The following STAG1 variants were observed in gnomAD, a reference collection of about 807,000 sequenced individuals.
STAG1 encodes cohesin subunit SA-1.
In STAG1, 26 loss-of-function variants were observed where a neutral mutation model predicts 170.9. That is an observed-to-expected ratio of 0.15 (90% CI 0.11 to 0.21). The LOEUF (loss-of-function observed/expected upper bound fraction) is 0.21, where lower values mean the gene tolerates loss of function less well. Ranked by LOEUF, STAG1 falls within the 10% of genes least tolerant of loss-of-function variation. The pLI, the probability that STAG1 is intolerant of heterozygous loss-of-function variation, is 1.00. For missense variants in STAG1, 964 were observed against 1,509.5 expected (o/e 0.64, Z 5.99); for synonymous variants, 514 against 497.7 (o/e 1.03, Z -0.44).
At chr3:136,459,198 C>G (rs1238487951) in intron 13 of STAG1, among the ~76,000 whole-genome samples, 2 of 140,576 alleles carry the variant, frequency 1.4e-5, no homozygotes, top group Admixed American at 1.6e-4. Context: ...AGCCTGGCGA[C>G]AGAGCGAGAC....
intron 9 of STAG1, 126 bp from the exon 10 acceptor site, chr3:136,477,538 C>T: frequency 1.3e-6 from 1 of 742,502 alleles, no homozygotes; most frequent in Non-Finnish European, 2.0e-6. Context: ...GAATGGCCTC[C>T]AACTTAAGTA....
intron 4 of STAG1, among the ~76,000 whole-genome samples, chr3:136,591,913 G>A (rs566833809): frequency 3.7e-4 from 57 of 152,182 alleles, no homozygotes; most frequent in African/African-American, 1.2e-3. Context: ...ATCTACCTTT[G>A]CTGAATTCAA....
chr3:136,702,073 GAAA>G (rs1392479273), intron 1 of STAG1, among the ~76,000 whole-genome samples: 32 of 75,766 alleles, frequency 4.2e-4, no homozygotes, highest in Non-Finnish European at 3.4e-4. Context: ...CCACCATGCC[GAAA>G]GAGAGAGAGA....
chr3:136,724,164 GGA>G (rs1300356396), intron 1 of STAG1, among the ~76,000 whole-genome samples: 9 of 152,234 alleles, frequency 5.9e-5, no homozygotes, highest in East Asian at 3.9e-4. Flanking sequence ...ATAGAGGAGG[GGA>G]GAAAGGCGGG....
intron 1 of STAG1, among the ~76,000 whole-genome samples, chr3:136,660,235 TA>T (rs1259091706): frequency 1.3e-5 from 2 of 152,198 alleles, no homozygotes; most frequent in East Asian, 1.9e-4. Flanking sequence ...GATGTACAGC[TA>T]CCCAGGGTTT....
rs766087794 is a variant in STAG1, at chr3:136,450,527, T to C, written c.1428+1506A>G. Among the ~76,000 whole-genome samples, 4 of 152,312 alleles carry C rather than the reference T, an allele frequency of 2.6e-5. No individual in the cohort carries two copies. In the East Asian group the frequency reaches 7.7e-4, roughly 29 times the overall value. Reference sequence around the variant, plus strand: ...AACACCCTTCACTCCACTGACTGAGTTCTTCTCCAATTTTAATTTTCATAT... The same window carrying C: ...AACACCCTTCACTCCACTGACTGAGCTCTTCTCCAATTTTAATTTTCATAT... On this transcript the variant is annotated intron_variant, in intron 14 of 33. Coordinates refer to ENST00000383202, the MANE Select transcript of STAG1 (RefSeq NM_005862.3).
At chr3:136,551,372 C>T (rs937468054) in intron 5 of STAG1, among the ~76,000 whole-genome samples, 1 of 150,414 alleles carries the variant, frequency 6.6e-6, no homozygotes, top group African/African-American at 2.4e-5. Context: ...CTCAACCTCT[C>T]CCACCTCCCA....
intron 7 of STAG1, among the ~76,000 whole-genome samples, chr3:136,519,092 C>CAGT (rs1380692856): frequency 6.6e-6 from 1 of 151,958 alleles, no homozygotes; most frequent in African/African-American, 2.4e-5. Flanking sequence ...CAGTAAAATA[C>CAGT]AGTAATACTG....
At chr3:136,710,770 T>C (rs1447029620) in intron 1 of STAG1, among the ~76,000 whole-genome samples, 1 of 151,814 alleles carries the variant, frequency 6.6e-6, no homozygotes, top group African/African-American at 2.4e-5. Context: ...TGAAACTAAA[T>C]GCCAAAGTCC....
chr3:136,418,074 C>T, intron 20 of STAG1, 102 bp from the exon 21 acceptor site: 2 of 886,496 alleles, frequency 2.3e-6, no homozygotes, highest in Admixed American at 2.2e-5. Flanking sequence ...TTCATTTCGG[C>T]TGGGCACACT....
At chr3:136,676,564 A>T (rs529093637) in intron 1 of STAG1, among the ~76,000 whole-genome samples, 1 of 152,056 alleles carries the variant, frequency 6.6e-6, no homozygotes, top group South Asian at 2.1e-4. Context: ...TCAAACCTCA[A>T]CCTACTGAAT....
chr3:136,397,619 T>C (rs941435103), intron 22 of STAG1, among the ~76,000 whole-genome samples: 1 of 151,884 alleles, frequency 6.6e-6, no homozygotes, highest in African/African-American at 2.4e-5. Context: ...GAAACTGGAG[T>C]GCGTTTATTT....
intron 1 of STAG1, among the ~76,000 whole-genome samples, chr3:136,664,347 A>G (rs1388933428): frequency 1.3e-5 from 2 of 152,182 alleles, no homozygotes; most frequent in South Asian, 4.1e-4. Flanking sequence ...CTACTGCTCT[A>G]AACAAAATGG....
intron 1 of STAG1, among the ~76,000 whole-genome samples, chr3:136,634,895 T>A (rs951601480): frequency 6.6e-6 from 1 of 151,924 alleles, no homozygotes; most frequent in African/African-American, 2.4e-5. Flanking sequence ...TAGTAACATA[T>A]TAAATGGACA....
chr3:136,507,323 CA>C (rs1216425900), intron 7 of STAG1, among the ~76,000 whole-genome samples: 2 of 152,172 alleles, frequency 1.3e-5, no homozygotes, highest in African/African-American at 4.8e-5. Flanking sequence ...AGGTCAGAGA[CA>C]GGGGTGAAAG....
rs751504212 is a variant in STAG1, at chr3:136,344,024, A to AG, written c.3272-19dup. The AG allele has an allele frequency of 1.9e-6, 3 of 1,551,292 alleles. No homozygotes were observed. Among genetic ancestry groups the AG allele is most frequent in the Non-Finnish European group, 2.6e-6 (3 of 1,148,082 alleles). On this transcript the variant is annotated intron_variant, in intron 29 of 33. Transcript: ENST00000383202. ...ACTCTCATCTGTAAAATTCCAGTTA[A>AG]GGTCACACAATGTCGTGGGTGGAGT...
intron 1 of STAG1, among the ~76,000 whole-genome samples, chr3:136,710,643 G>A (rs975183239): frequency 1.3e-5 from 2 of 151,972 alleles, no homozygotes; most frequent in African/African-American, 2.4e-5. Flanking sequence ...ACCATCGAGC[G>A]AAGAAACTAC....
At chr3:136,738,251 G>C (rs1365077462) in intron 1 of STAG1, among the ~76,000 whole-genome samples, 3 of 151,904 alleles carry the variant, frequency 2.0e-5, no homozygotes, top group African/African-American at 7.3e-5. Context: ...AGCACTCTGG[G>C]AGGCCAAGGC....
intron 21 of STAG1, among the ~76,000 whole-genome samples, chr3:136,405,004 T>C (rs866613258): frequency 6.6e-6 from 1 of 151,964 alleles, no homozygotes; most frequent in Non-Finnish European, 1.5e-5. Context: ...AGACCTTAAA[T>C]AGAAGGAGGC....
Sources: allele counts gnomAD v4.1 joint callset (sites outside exome capture counted in the v4.1 genomes callset), GRCh38; gene constraint gnomAD v4.1.1; transcripts MANE v1.5; gene names NCBI Gene and HGNC (gene_info 2026-07-23, HGNC 2026-07-21).